UPP2: variants seen among roughly 807,000 people sequenced by gnomAD.
The protein encoded by UPP2 is uridine phosphorylase 2.
A neutral mutation model predicts 26.7 loss-of-function variants in UPP2; 23 were observed. The observed-to-expected ratio is 0.86, with a 90% confidence interval of 0.62 to 1.22. The LOEUF (loss-of-function observed/expected upper bound fraction) is 1.22. Among genes scored for constraint, UPP2 ranks in the 50% most tolerant of loss-of-function variants. UPP2 has a pLI of 0.00. For missense variants in UPP2, 387 were observed against 396.7 expected (o/e 0.98, Z 0.21); for synonymous variants, 127 against 141.3 (o/e 0.90, Z 0.72).
At chr2:158,099,809 C>T (rs1323505141), upstream of UPP2, among the ~76,000 whole-genome samples, 7 of 152,104 alleles carry the variant, frequency 4.6e-5, no homozygotes, top group South Asian at 2.1e-4. Flanking sequence ...TAAAGGAAGA[C>T]GGTAGGAAGT....
intron 3 of UPP2, among the ~76,000 whole-genome samples, chr2:158,079,441 T>C (rs1278411691): frequency 6.6e-6 from 1 of 152,062 alleles, no homozygotes; most frequent in African/African-American, 2.4e-5. Context: ...CCTTGAGCTA[T>C]TCACCTCCTG....
At chr2:158,111,779 T>C (rs886721544) in intron 2 of UPP2, among the ~76,000 whole-genome samples, 8 of 152,146 alleles carry the variant, frequency 5.3e-5, no homozygotes, top group Admixed American at 3.9e-4. Context: ...TTTGTTTTAG[T>C]GGTTGCTCTA....
At chr2:158,064,275 A>C (rs1186408066) in intron 3 of UPP2, among the ~76,000 whole-genome samples, 3 of 152,180 alleles carry the variant, frequency 2.0e-5, no homozygotes, top group Non-Finnish European at 4.4e-5. Flanking sequence ...CTGACTTTTT[A>C]ATGATCGCCA....
intron 3 of UPP2, among the ~76,000 whole-genome samples, chr2:158,054,074 C>A (rs982944638): frequency 2.0e-5 from 3 of 152,032 alleles, no homozygotes; most frequent in African/African-American, 4.8e-5. Context: ...AGTTCAAGAC[C>A]AGCCTGCCCA....
At chr2:158,017,669 G>C (rs917994770) in intron 3 of UPP2, among the ~76,000 whole-genome samples, 1 of 152,146 alleles carries the variant, frequency 6.6e-6, no homozygotes, top group Non-Finnish European at 1.5e-5. Flanking sequence ...GTAGTTATTC[G>C]TTTTTGGGCA....
At chr2:158,118,683 A>G (rs1294165407) in intron 4 of UPP2, among the ~76,000 whole-genome samples, 1 of 152,060 alleles carries the variant, frequency 6.6e-6, no homozygotes, top group South Asian at 2.1e-4. Context: ...TGGCAAATGG[A>G]GAAGTTTGGT....
chr2:158,063,609 T>A (rs1011819084), intron 3 of UPP2, among the ~76,000 whole-genome samples: 3 of 152,116 alleles, frequency 2.0e-5, no homozygotes, highest in African/African-American at 4.8e-5. Context: ...TTCTTTTTTT[T>A]TTTTATACTT....
chr2:158,116,686 A>AC (rs1683438121), intron 3 of UPP2, among the ~76,000 whole-genome samples: 1 of 152,246 alleles, frequency 6.6e-6, no homozygotes, highest in Non-Finnish European at 1.5e-5. Flanking sequence ...AAATGTCTGA[A>AC]CTAGAAGGAA....
At chr2:158,130,666 T>C (rs952112444) in intron 6 of UPP2, among the ~76,000 whole-genome samples, 2 of 152,202 alleles carry the variant, frequency 1.3e-5, no homozygotes, top group African/African-American at 4.8e-5. Context: ...TTCAGCATTG[T>C]TTGGGCACCC....
chr2:158,107,646 T>G (rs1683223430), intron 2 of UPP2, among the ~76,000 whole-genome samples: 1 of 150,902 alleles, frequency 6.6e-6, no homozygotes, highest in South Asian at 2.1e-4. Flanking sequence ...AACAAGAAAG[T>G]AAGGAAGGAG....
chr2:158,057,272 C>T (rs1209677946), intron 3 of UPP2, among the ~76,000 whole-genome samples: 1 of 152,154 alleles, frequency 6.6e-6, no homozygotes, highest in Non-Finnish European at 1.5e-5. Context: ...AGTTGCTATG[C>T]ACAGCCCGCA....
At chr2:158,115,027 A>C in intron 2 of UPP2, 74 bp from the exon 3 acceptor site, 1 of 1,379,564 alleles carries the variant, frequency 7.2e-7, no homozygotes, top group Non-Finnish European at 9.6e-7. Flanking sequence ...TAAAATAAAA[A>C]CATTAGAGTT....
chr2:158,112,128 C>G (rs1300556488), intron 2 of UPP2, among the ~76,000 whole-genome samples: 1 of 152,010 alleles, frequency 6.6e-6, no homozygotes, highest in South Asian at 2.1e-4. Context: ...CGTCAAAATG[C>G]CTGGAATGCA....
chr2:157,999,634 A>C (rs1683375349), intron 2 of UPP2, among the ~76,000 whole-genome samples: 2 of 152,238 alleles, frequency 1.3e-5, no homozygotes, highest in Non-Finnish European at 2.9e-5. Flanking sequence ...GCCAATGATG[A>C]GTTACATATA....
At chr2:158,019,833 G>C (rs1558905467) in intron 3 of UPP2, among the ~76,000 whole-genome samples, 2 of 152,038 alleles carry the variant, frequency 1.3e-5, no homozygotes, top group Non-Finnish European at 2.9e-5. Flanking sequence ...GCATGCAGGA[G>C]TTTTTTAGAG....
In UPP2 at chr2:158,094,052, T is replaced by C. The variant is rs115894262; in HGVS notation, c.148-7988T>C. On this transcript the variant is annotated intron_variant, in intron 3 of 9. Coordinates refer to the UPP2 transcript ENST00000605860. The stretch of plus-strand genomic sequence containing the variant: ...CATATATATACATATACCATATACA[T>C]ACACACACGCACACACCTTAAACCT... Among the ~76,000 whole-genome samples, 475 of 151,310 alleles carry C rather than the reference T, an allele frequency of 3.1e-3. 2 individuals are homozygous for C. Among genetic ancestry groups the C allele is most frequent in the African/African-American group, 0.011 (450 of 41,382 alleles).
At chr2:158,033,958 C>G (rs529700003) in intron 3 of UPP2, among the ~76,000 whole-genome samples, 12 of 151,598 alleles carry the variant, frequency 7.9e-5, no homozygotes, top group Middle Eastern at 3.4e-3. Flanking sequence ...GTGGACAGTA[C>G]CAAGGGTCAC....
intron 3 of UPP2, among the ~76,000 whole-genome samples, chr2:158,084,602 T>A (rs1682783683): frequency 6.6e-6 from 1 of 152,214 alleles, no homozygotes; most frequent in Non-Finnish European, 1.5e-5. Flanking sequence ...TCTGATGTTA[T>A]CTTCTAGAAT....
chr2:158,020,843 AT>A (rs1431270426), intron 3 of UPP2, among the ~76,000 whole-genome samples: 4 of 152,206 alleles, frequency 2.6e-5, no homozygotes, highest in African/African-American at 9.6e-5. Flanking sequence ...CCCTCAATTC[AT>A]TTTTCTTTTT....
Sources: allele counts gnomAD v4.1 joint callset (sites outside exome capture counted in the v4.1 genomes callset), GRCh38; gene constraint gnomAD v4.1.1; transcripts MANE v1.5; gene names NCBI Gene and HGNC (gene_info 2026-07-23, HGNC 2026-07-21).